Variants in ALKBH3 observed in about 807,000 individuals in gnomAD.
ALKBH3 encodes the protein alkB homolog 3, alpha-ketoglutarate dependent dioxygenase.
A neutral mutation model predicts 43.9 loss-of-function variants in ALKBH3; 51 were observed. The ratio of observed to expected loss-of-function variants is 1.16; its 90% CI spans 0.93 to 1.47. The LOEUF (loss-of-function observed/expected upper bound fraction) is 1.47, where lower values mean the gene tolerates loss of function less well. ALKBH3 is among the 40% of genes most tolerant of loss of function. The probability of loss-of-function intolerance (pLI) is 0.00; values close to 1 mark genes in which losing one functional copy is unlikely to be tolerated. For missense variants in ALKBH3, 361 were observed against 351.9 expected (o/e 1.03, Z -0.21); for synonymous variants, 102 against 115.2 (o/e 0.89, Z 0.73).
intron 7 of ALKBH3, among the ~76,000 whole-genome samples, chr11:43,894,279 G>A (rs1951803348): frequency 6.6e-6 from 1 of 152,158 alleles, no homozygotes; most frequent in Admixed American, 6.5e-5. Flanking sequence ...TACCTCTGAG[G>A]TACCTAGAAC....
At chr11:43,911,776 T>C (rs1367403677) in intron 8 of ALKBH3, among the ~76,000 whole-genome samples, 2 of 152,134 alleles carry the variant, frequency 1.3e-5, no homozygotes, top group African/African-American at 2.4e-5. Flanking sequence ...ACTAATAATA[T>C]AGACCATATG....
intron 7 of ALKBH3, chr11:43,898,165 A>T: frequency 8.1e-7 from 1 of 1,234,690 alleles, no homozygotes; most frequent in Non-Finnish European, 1.2e-6. Flanking sequence ...CTACATCAAG[A>T]GATACCTGGG....
Position 43,900,368 on chromosome 11 carries a change from C to T in ALKBH3, c.460-1148C>T, listed in dbSNP as rs181315300. On this transcript the variant is annotated intron_variant, in intron 7 of 9. Coordinates refer to ENST00000302708, the MANE Select transcript of ALKBH3 (RefSeq NM_139178.4). ...CCTCCCGAGTAGCTGGGACTACAGG[C>T]GCATGCCACCATGCCCAGCTGATTT... Among the ~76,000 whole-genome samples the T allele has an allele frequency of 7.1e-3, 1,069 of 151,416 alleles. 26 individuals are homozygous for T. The highest frequency in any genetic ancestry group is 0.055 in the East Asian group (285 of 5,144).
intron 7 of ALKBH3, chr11:43,898,774 A>G: frequency 1.3e-6 from 1 of 750,890 alleles, no homozygotes; most frequent in South Asian, 1.4e-5. Context: ...GACGCTGGTT[A>G]GTCCATTTAT....
chr11:43,901,257 T>C (rs1951861802), intron 7 of ALKBH3, among the ~76,000 whole-genome samples: 3 of 152,212 alleles, frequency 2.0e-5, no homozygotes, highest in Admixed American at 2.0e-4. Context: ...TTAGATAGAT[T>C]CTGGTCCTCA....
At chr11:43,886,743 TACA>T in intron 5 of ALKBH3, 90 bp downstream of exon 5, 1 of 1,239,062 alleles carries the variant, frequency 8.1e-7, no homozygotes, top group Non-Finnish European at 1.2e-6. Flanking sequence ...GAAAATGTAG[TACA>T]TATACATTAT....
In ALKBH3 at chr11:43,890,854, C is replaced by T. The variant is rs886407585; in HGVS notation, c.370+1026C>T. ...ACTCCAGCCTGGTAATAGAGTGAGA[C>T]TCCGTCTCAAAAAAAAATAAAATAA... On this transcript the variant is annotated intron_variant, in intron 6 of 9. Coordinates refer to ENST00000302708, the MANE Select transcript of ALKBH3 (RefSeq NM_139178.4). Among the ~76,000 whole-genome samples the T allele has an allele frequency of 6.8e-4, 104 of 152,102 alleles. 1 individual carries two copies. Among genetic ancestry groups the T allele is most frequent in the African/African-American group, 2.3e-3 (95 of 41,488 alleles).
chr11:43,917,669 G>A (rs1009409381), intron 8 of ALKBH3, among the ~76,000 whole-genome samples: 3 of 152,042 alleles, frequency 2.0e-5, no homozygotes, highest in Admixed American at 1.3e-4. Flanking sequence ...TCAGAGCAGC[G>A]TTTTGCTTTT....
chr11:43,903,196 C>T (rs181843146), intron 8 of ALKBH3, among the ~76,000 whole-genome samples: 184 of 152,284 alleles, frequency 1.2e-3, no homozygotes, highest in African/African-American at 4.2e-3. Context: ...TGAACTTGCT[C>T]TCTAAGCCTT....
chr11:43,904,217 C>T (rs891315768), intron 8 of ALKBH3, among the ~76,000 whole-genome samples: 9 of 152,140 alleles, frequency 5.9e-5, no homozygotes, highest in Admixed American at 1.3e-4. Context: ...TGCGCTATGA[C>T]GATGGTAGCT....
chr11:43,897,647 T>C (rs1951828926), intron 7 of ALKBH3: 2 of 901,706 alleles, frequency 2.2e-6, no homozygotes, highest in Non-Finnish European at 3.8e-6. Flanking sequence ...TGGATGTAGA[T>C]GCACCAAGAC....
intron 8 of ALKBH3, among the ~76,000 whole-genome samples, chr11:43,917,563 C>T (rs370331133): frequency 6.6e-6 from 1 of 152,260 alleles, no homozygotes; most frequent in South Asian, 2.1e-4. Flanking sequence ...AATTAAGGAG[C>T]CTTGGACTGT....
chr11:43,898,776 T>A (rs1740786516), intron 7 of ALKBH3: 1 of 752,518 alleles, frequency 1.3e-6, no homozygotes. Flanking sequence ...CGCTGGTTAG[T>A]CCATTTATTG....
At chr11:43,911,310 G>A (rs1244420930) in intron 8 of ALKBH3, among the ~76,000 whole-genome samples, 1 of 152,194 alleles carries the variant, frequency 6.6e-6, no homozygotes, top group Non-Finnish European at 1.5e-5. Flanking sequence ...AGATGTGGGG[G>A]TAAGGATCCA....
chr11:43,902,205 T>C (rs1951868432), intron 8 of ALKBH3, among the ~76,000 whole-genome samples: 1 of 152,204 alleles, frequency 6.6e-6, no homozygotes. Flanking sequence ...CATTCACATA[T>C]GTTTGTTCCT....
Position 43,897,411 on chromosome 11 carries a change from T to C in ALKBH3, c.460-4105T>C, listed in dbSNP as rs1023992989. On this transcript the variant is annotated intron_variant, in intron 7 of 9. Transcript: ENST00000302708. ...CTTAAAATACCATACTTAATGATTA[T>C]CCTTGGCAAGACAGGTGTGAAAGGA... 8.2e-6 allele frequency: 6 copies of C among 730,532 alleles called. No homozygotes were observed. The Admixed American group carries it at 1.1e-4, about 13-fold the overall frequency. 45.3% of individuals were successfully genotyped at this position (730,532 alleles called of 1,614,324 possible). A position where few individuals can be genotyped will look rare whatever the true frequency, so the allele number is the denominator to read the frequency against.
intron 5 of ALKBH3, among the ~76,000 whole-genome samples, chr11:43,887,086 A>G (rs1951751461): frequency 6.6e-6 from 1 of 152,202 alleles, no homozygotes; most frequent in East Asian, 1.9e-4. Flanking sequence ...AAACCTGCAT[A>G]TGTACCCCAA....
chr11:43,913,872 A>G (rs193182848), intron 8 of ALKBH3, among the ~76,000 whole-genome samples: 19 of 152,370 alleles, frequency 1.2e-4, no homozygotes, highest in Non-Finnish European at 2.4e-4. Flanking sequence ...ACACTGAATT[A>G]ATTGCGAAAA....
At chr11:43,901,759 C>G (rs777402816) in intron 8 of ALKBH3, 34 bp downstream of exon 8, 2 of 1,606,172 alleles carry the variant, frequency 1.2e-6, no homozygotes, top group South Asian at 2.2e-5. Context: ...CTCTTCCTGC[C>G]TCTTATTAGT....
Sources: allele counts gnomAD v4.1 joint callset (sites outside exome capture counted in the v4.1 genomes callset), GRCh38; gene constraint gnomAD v4.1.1; transcripts MANE v1.5; gene names NCBI Gene and HGNC (gene_info 2026-07-23, HGNC 2026-07-21).